Variants in BCAS3 observed in about 807,000 individuals in gnomAD.
BCAS3 encodes BCAS4/BCAS3 fusion.
A neutral mutation model predicts 116.1 loss-of-function variants in BCAS3; 53 were observed. The observed-to-expected ratio is 0.46, with a 90% CI of 0.37 to 0.57. BCAS3 has a LOEUF of 0.57. Ranked by LOEUF, BCAS3 falls within the 20% of genes least tolerant of loss-of-function variation. The pLI is 0.00. For missense variants in BCAS3, 917 were observed against 1,165.4 expected, an observed-to-expected ratio of 0.79 and a Z score of 3.10; for synonymous variants, 391 against 408.2, an observed-to-expected ratio of 0.96 and a Z score of 0.51.
intron 13 of BCAS3, among the ~76,000 whole-genome samples, chr17:60,932,386 T>C (rs923764944): frequency 6.6e-6 from 1 of 152,168 alleles, no homozygotes; most frequent in Non-Finnish European, 1.5e-5. Context: ...ATTAAGACAT[T>C]TATTCAATGT....
intron 9 of BCAS3, among the ~76,000 whole-genome samples, chr17:60,877,947 T>C (rs2055767167): frequency 6.6e-6 from 1 of 152,154 alleles, no homozygotes; most frequent in African/African-American, 2.4e-5. Context: ...CTGTCATTTC[T>C]GGGAATAAAT....
intron 7 of BCAS3, among the ~76,000 whole-genome samples, chr17:60,846,938 G>A (rs568015609): frequency 1.3e-5 from 2 of 152,060 alleles, no homozygotes; most frequent in South Asian, 2.1e-4. Flanking sequence ...TATTCACATC[G>A]AAAGAAAGCC....
At chr17:61,330,762 C>T (rs1225631333) in intron 22 of BCAS3, among the ~76,000 whole-genome samples, 1 of 152,156 alleles carries the variant, frequency 6.6e-6, no homozygotes, top group Non-Finnish European at 1.5e-5. Flanking sequence ...TGAGGAGACC[C>T]GAGTTCTAAT....
intron 22 of BCAS3, among the ~76,000 whole-genome samples, chr17:61,110,075 G>C (rs1157593646): frequency 6.6e-6 from 1 of 152,176 alleles, no homozygotes; most frequent in African/African-American, 2.4e-5. Flanking sequence ...ATGGTTTCAG[G>C]TCTTAGATTT....
intron 6 of BCAS3, among the ~76,000 whole-genome samples, chr17:60,765,436 T>C (rs1457541454): frequency 6.6e-6 from 1 of 152,206 alleles, no homozygotes; most frequent in Non-Finnish European, 1.5e-5. Flanking sequence ...ATTTTATTTC[T>C]CCTTCACTTA....
chr17:61,019,284 A>G lies in BCAS3; in HGVS notation c.1637+3383A>G, dbSNP rs984486106. Among the ~76,000 whole-genome samples, 1 of 152,188 alleles carries G rather than the reference A, an allele frequency of 6.6e-6. No individual in the cohort carries two copies. Among genetic ancestry groups the G allele is most frequent in the South Asian group, 2.1e-4 (1 of 4,826 alleles). On this transcript the variant is annotated intron_variant, in intron 16 of 23. Coordinates refer to ENST00000407086, the MANE Select transcript of BCAS3 (RefSeq NM_017679.5). The surrounding 1 kb of genome is among the most constrained non-coding windows in gnomAD (Gnocchi z 5.6). ...GAGGGACCTAGGTTGCACACTCCTT[A>G]TGAGAATCTAATGCCTCATGATCTG...
intron 5 of BCAS3, among the ~76,000 whole-genome samples, chr17:60,718,993 C>T (rs1417804223): frequency 5.3e-5 from 8 of 152,110 alleles, no homozygotes; most frequent in East Asian, 1.9e-4. Context: ...TCCCAGGAAG[C>T]GGAGTTTGCA....
intron 7 of BCAS3, among the ~76,000 whole-genome samples, chr17:60,860,581 G>C (rs920781275): frequency 3.3e-5 from 5 of 152,176 alleles, no homozygotes; most frequent in African/African-American, 1.2e-4. Context: ...GTATTTGCTA[G>C]GTTTTTGTTT....
rs1340103814 is a variant in BCAS3 at position 61,161,701 on chromosome 17, G to A, written c.2425+77137G>A. Among the ~76,000 whole-genome samples, 1 of 152,128 alleles carries A rather than the reference G, an allele frequency of 6.6e-6. No individual in the cohort carries two copies. The highest frequency in any genetic ancestry group is 1.9e-4 in the East Asian group (1 of 5,196). Reference sequence around the variant, plus strand: ...GTAGGGTGGTTGCTGGTGGAGGGGAGTAGCCAGCGCCCCTCCCCTCAGCAC... The same window carrying A: ...GTAGGGTGGTTGCTGGTGGAGGGGAATAGCCAGCGCCCCTCCCCTCAGCAC... On this transcript the variant is annotated intron_variant, in intron 22 of 23. Transcript: ENST00000407086. This position sits in a 1 kb window ranked among gnomAD's most constrained non-coding sequence, Gnocchi z 4.8.
chr17:61,308,046 A>C (rs188170573), intron 22 of BCAS3, among the ~76,000 whole-genome samples: 1 of 152,316 alleles, frequency 6.6e-6, no homozygotes, highest in Admixed American at 6.5e-5. Context: ...AGAGAGCTAT[A>C]TGTGGACCTC....
intron 22 of BCAS3, among the ~76,000 whole-genome samples, chr17:61,262,852 C>T (rs2049345389): frequency 6.6e-6 from 1 of 151,924 alleles, no homozygotes; most frequent in African/African-American, 2.4e-5. Flanking sequence ...GCCGCCACCC[C>T]CGGCTAATTT....
intron 2 of BCAS3, among the ~76,000 whole-genome samples, chr17:60,682,182 A>G (rs2033261482): frequency 6.6e-6 from 1 of 152,210 alleles, no homozygotes; most frequent in East Asian, 1.9e-4. Context: ...CTGTCCCGGA[A>G]GCTCTCTCAA....
chr17:61,288,746 CA>C (rs1408597409), intron 22 of BCAS3, among the ~76,000 whole-genome samples: 2 of 152,170 alleles, frequency 1.3e-5, no homozygotes, highest in African/African-American at 4.8e-5. Context: ...AAGAAGCTAC[CA>C]CCCCACATGC....
chr17:61,087,132 C>T lies in BCAS3; in HGVS notation c.2425+2568C>T, dbSNP rs1292986187. On this transcript the variant is annotated intron_variant, in intron 22 of 23. Coordinates refer to ENST00000407086, the MANE Select transcript of BCAS3 (RefSeq NM_017679.5). This position sits in a 1 kb window ranked among gnomAD's most constrained non-coding sequence, Gnocchi z 4.6. ...AGAATCTAATAAATTTTTATAATTG[C>T]TCTTGAACCGGGAAGTGCACCTCTG... The T allele has an allele frequency of 5.1e-6, 5 of 985,138 alleles. No individual in the cohort carries two copies. Among genetic ancestry groups the T allele is most frequent in the Non-Finnish European group, 6.0e-6 (5 of 829,728 alleles). The allele number at this position is 985,138 out of a possible 1,614,324, so 61.0% of individuals were successfully genotyped here.
Position 61,239,090 on chromosome 17 carries a change from C to G in BCAS3, c.2426-129237C>G, listed in dbSNP as rs928489896. ...TTGAGCCAGTTTTTCCTAGGTGTGCCAGGTAGGTTGGCATTCACAGTTCTC... is the reference window on the plus strand; with the variant it reads ...TTGAGCCAGTTTTTCCTAGGTGTGCGAGGTAGGTTGGCATTCACAGTTCTC... On this transcript the variant is annotated intron_variant, in intron 22 of 23. Coordinates refer to ENST00000407086, the MANE Select transcript of BCAS3 (RefSeq NM_017679.5). The surrounding 1 kb of genome is among the most constrained non-coding windows in gnomAD (Gnocchi z 4.2). Among the ~76,000 whole-genome samples, 1 of 152,118 alleles carries G rather than the reference C, an allele frequency of 6.6e-6. No homozygotes were observed. The highest frequency in any genetic ancestry group is 1.9e-4 in the East Asian group (1 of 5,180).
chr17:60,896,263 TGTG>T (rs2057504608), intron 10 of BCAS3, among the ~76,000 whole-genome samples: 2 of 152,176 alleles, frequency 1.3e-5, no homozygotes, highest in Non-Finnish European at 1.5e-5. Context: ...AGGTGGAGGT[TGTG>T]GTGAGCTGAG....
intron 5 of BCAS3, among the ~76,000 whole-genome samples, chr17:60,730,987 C>T (rs76148302): frequency 0.032 from 4,839 of 152,132 alleles, 244 homozygotes; most frequent in African/African-American, 0.11. Context: ...GCTTCTTAAC[C>T]GAATTCCTTA....
Position 60,841,698 on chromosome 17 carries a change from A to G in BCAS3, c.477-26878A>G, listed in dbSNP as rs542781714. 5.9e-5 allele frequency among the ~76,000 whole-genome samples: 9 copies of G among 151,858 alleles called. No homozygotes were observed. The South Asian group carries it at 1.3e-3, about 21-fold the overall frequency. On this transcript the variant is annotated intron_variant, in intron 7 of 23. Transcript: ENST00000407086. ...CATGGCCTATCTTCTCATAGTTTCT[A>G]TGGGTTAGGAGTCCAGGCACAATTT...
Position 61,368,926 on chromosome 17 carries a change from C to A in BCAS3, c.2593+432C>A, listed in dbSNP as rs2058887576. 6.6e-6 allele frequency among the ~76,000 whole-genome samples: 1 copy of A among 152,166 alleles called. No individual in the cohort carries two copies. On this transcript the variant is annotated intron_variant, in intron 23 of 23. Transcript: ENST00000407086. This position sits in a 1 kb window ranked among gnomAD's most constrained non-coding sequence, Gnocchi z 6.0. Reference sequence around the variant, plus strand: ...ATGAAGCAGGCTGGGCTGGTTTCAGCCCCTACCAGCTTTTCCTCATGCTGC... The same window carrying A: ...ATGAAGCAGGCTGGGCTGGTTTCAGACCCTACCAGCTTTTCCTCATGCTGC...
Sources: gnomAD v4.1 joint callset for allele counts (sites outside exome capture counted in the v4.1 genomes callset) on GRCh38, gnomAD v4.1.1 for gene constraint, Gnocchi (gnomAD v3.1) non-coding constraint, MANE v1.5 for transcripts, NCBI Gene and HGNC (gene_info 2026-07-23, HGNC 2026-07-21) for gene names.